Variants in ZNF573 observed in about 807,000 individuals in gnomAD.
ZNF573 encodes the protein zinc finger protein 573.
Under a neutral mutation model 57.4 loss-of-function variants are expected in ZNF573, and 41 were observed. The ratio of observed to expected loss-of-function variants is 0.71; its 90% CI spans 0.56 to 0.93. The LOEUF (loss-of-function observed/expected upper bound fraction) is 0.93, where lower values mean the gene tolerates loss of function less well. Among genes scored for constraint, ZNF573 ranks in the 40% least tolerant of loss-of-function variants. The probability of loss-of-function intolerance (pLI) is 0.00; values close to 1 mark genes in which losing one functional copy is unlikely to be tolerated. For missense variants in ZNF573, 730 were observed against 794.8 expected, an observed-to-expected ratio of 0.92 and a Z score of 0.98; for synonymous variants, 249 against 261.0, an observed-to-expected ratio of 0.95 and a Z score of 0.44.
At position 37,773,311 on chromosome 19, in the gene ZNF573, C is replaced by T. The variant is rs4803477; in HGVS notation, c.69+350G>A. ...GGTCTGCGGAGAATGTCAGAGCCTA[C>T]CTATGGTATCCAAATAGGACCAACA... On this transcript the variant is annotated intron_variant, in intron 2 of 4. Coordinates refer to ENST00000536220, the MANE Select transcript of ZNF573 (RefSeq NM_001172690.2). 1.9e-3 allele frequency among the ~76,000 whole-genome samples: 296 copies of T among 152,312 alleles called. 1 individual carries two copies. In the East Asian group the frequency reaches 0.027, roughly 14 times the overall value.
At position 37,738,877 on chromosome 19, in the gene ZNF573, T is replaced by C. The variant is rs753234663; in HGVS notation, c.1613A>G (p.Tyr538Cys). Residue 538 changes from tyrosine to cysteine, a missense_variant, in exon 5 of 5, where the codon TAT (tyrosine) becomes TGT (cysteine). Tyr to Cys is a radical substitution (Grantham distance 194). Coordinates refer to ENST00000536220, the MANE Select transcript of ZNF573 (RefSeq NM_001172690.2). ...CKVCRKTFTF[Y>C]RNLTLHQSIH... ...ACTTTGATGTAGAGTAAGATTTCTA[T>C]AGAAAGTAAAGGTTTTTCTACATAC... 4.3e-6 allele frequency: 7 copies of C among 1,610,260 alleles called. 1 individual carries two copies. The South Asian group carries it at 5.5e-5, about 13-fold the overall frequency.
intron 4 of ZNF573, among the ~76,000 whole-genome samples, chr19:37,754,946 G>A (rs1427863290): frequency 6.6e-6 from 1 of 151,976 alleles, no homozygotes; most frequent in Non-Finnish European, 1.5e-5. Context: ...AAGAATAACA[G>A]TCTCAAATTA....
At chr19:37,753,115 C>T (rs749083174) in intron 4 of ZNF573, among the ~76,000 whole-genome samples, 7 of 151,764 alleles carry the variant, frequency 4.6e-5, no homozygotes, top group East Asian at 1.9e-4. Context: ...AAAAATCAGC[C>T]GGGGTTGGGG....
chr19:37,746,817 C>T (rs916760640), intron 4 of ZNF573, among the ~76,000 whole-genome samples: 9 of 152,212 alleles, frequency 5.9e-5, no homozygotes, highest in African/African-American at 1.7e-4. Flanking sequence ...AACTCCTGAC[C>T]TCGTGATCTG....
At chr19:37,747,533 G>A (rs185636977) in intron 4 of ZNF573, among the ~76,000 whole-genome samples, 2 of 152,152 alleles carry the variant, frequency 1.3e-5, no homozygotes, top group African/African-American at 4.8e-5. Flanking sequence ...GGGTGGGCTA[G>A]ACTTAACAAG....
intron 1 of ZNF573, among the ~76,000 whole-genome samples, chr19:37,775,128 TGCCTCA>T (rs2145337618): frequency 6.6e-6 from 1 of 151,982 alleles, no homozygotes; most frequent in South Asian, 2.1e-4. Context: ...GTAATCCTAC[TGCCTCA>T]GCCTCCTGAG....
intron 4 of ZNF573, chr19:37,740,477 G>T: frequency 2.2e-6 from 1 of 462,978 alleles, no homozygotes; most frequent in Non-Finnish European, 4.1e-6. Context: ...CAAAGACCAA[G>T]TGAATTAAAA....
intron 4 of ZNF573, among the ~76,000 whole-genome samples, chr19:37,761,595 TG>T: frequency 6.6e-6 from 1 of 152,322 alleles, no homozygotes; most frequent in Non-Finnish European, 1.5e-5. Context: ...GTTTGACTGT[TG>T]GTCATAAGAC....
At chr19:37,770,206 G>A (rs1568423963) in intron 3 of ZNF573, 109 bp from the exon 4 acceptor site, 3 of 820,710 alleles carry the variant, frequency 3.7e-6, no homozygotes, top group South Asian at 1.9e-5. Flanking sequence ...ATAAAAGAGG[G>A]GTGAGATGAT....
In ZNF573 at chr19:37,738,433, C is replaced by A. The variant is rs2045281530; in HGVS notation, c.*59G>T. 6.8e-7 allele frequency: 1 copy of A among 1,462,772 alleles called. No individual in the cohort carries two copies. The highest frequency in any genetic ancestry group is 9.0e-7 in the Non-Finnish European group (1 of 1,106,204). The allele number at this position is 1,462,772 out of a possible 1,614,324, so 90.6% of individuals were successfully genotyped here. A position where few individuals can be genotyped will look rare whatever the true frequency, so the allele number is the denominator to read the frequency against. On this transcript the variant is annotated 3_prime_UTR_variant, in exon 5 of 5. Transcript: ENST00000536220. ...CATACCTATAAGACTAACATTCCAT[C>A]ATTTCTCACCAGTGTGGGCTGTCTG...
intron 4 of ZNF573, among the ~76,000 whole-genome samples, chr19:37,769,661 G>C (rs1038793022): frequency 6.7e-6 from 1 of 150,116 alleles, no homozygotes; most frequent in African/African-American, 2.5e-5. Flanking sequence ...AGGAGGTGGA[G>C]GTTGCAATAA....
chr19:37,777,779 T>TA (rs1470340257), intron 1 of ZNF573, among the ~76,000 whole-genome samples: 3 of 148,422 alleles, frequency 2.0e-5, no homozygotes, highest in Middle Eastern at 3.5e-3. Flanking sequence ...CTCATGCTTG[T>TA]AATCCCAGCA....
chr19:37,776,876 A>G (rs1730002329), intron 1 of ZNF573, among the ~76,000 whole-genome samples: 1 of 152,078 alleles, frequency 6.6e-6, no homozygotes, highest in Admixed American at 6.5e-5. Flanking sequence ...CAACAAACAT[A>G]TGAAAAAATG....
chr19:37,749,570 C>T (rs1364113109), intron 4 of ZNF573, among the ~76,000 whole-genome samples: 3 of 151,994 alleles, frequency 2.0e-5, no homozygotes, highest in Non-Finnish European at 4.4e-5. Flanking sequence ...CCTATATATT[C>T]ATCACAAGAA....
chr19:37,747,105 A>G (rs925414225), intron 4 of ZNF573, among the ~76,000 whole-genome samples: 2 of 151,462 alleles, frequency 1.3e-5, no homozygotes, highest in Non-Finnish European at 2.9e-5. Flanking sequence ...TGGCAAAAGA[A>G]GTAATGTAAT....
At chr19:37,759,251 C>T in intron 4 of ZNF573, 1 of 522,858 alleles carries the variant, frequency 1.9e-6, no homozygotes, top group Non-Finnish European at 2.5e-6. Flanking sequence ...AAGAACATAG[C>T]ACCATTAGAA....
At chr19:37,756,069 C>A (rs1357609083) in intron 4 of ZNF573, among the ~76,000 whole-genome samples, 1 of 152,190 alleles carries the variant, frequency 6.6e-6, no homozygotes, top group East Asian at 1.9e-4. Context: ...CTGGCTGTCT[C>A]CTAATGACTG....
At chr19:37,745,017 C>T (rs1414414332) in intron 4 of ZNF573, among the ~76,000 whole-genome samples, 1 of 151,752 alleles carries the variant, frequency 6.6e-6, no homozygotes, top group Admixed American at 6.6e-5. Context: ...CTCCTGACCT[C>T]GTGATGTGCC....
chr19:37,740,321 C>G, intron 4 of ZNF573, 127 bp from the exon 5 acceptor site: 1 of 901,148 alleles, frequency 1.1e-6, no homozygotes, highest in Non-Finnish European at 1.6e-6. Context: ...AATATGGTTA[C>G]GAAATTTGAA....
Sources: allele counts gnomAD v4.1 joint callset (sites outside exome capture counted in the v4.1 genomes callset), GRCh38; gene constraint gnomAD v4.1.1; transcripts MANE v1.5; gene names NCBI Gene and HGNC (gene_info 2026-07-23, HGNC 2026-07-21).